Variants in PACS1 observed in about 807,000 individuals in gnomAD.
PACS1 encodes the protein PACS-1.
Under a neutral mutation model 115.0 loss-of-function variants are expected in PACS1, and 24 were observed. The observed-to-expected ratio is 0.21, with a 90% confidence interval of 0.15 to 0.29. The LOEUF (loss-of-function observed/expected upper bound fraction) is 0.29. Ranked by LOEUF, PACS1 falls within the 10% of genes least tolerant of loss-of-function variation. The pLI, the probability that PACS1 is intolerant of heterozygous loss-of-function variation, is 1.00. For missense variants in PACS1, 838 were observed against 1,251.2 expected, an observed-to-expected ratio of 0.67 and a Z score of 4.98; for synonymous variants, 453 against 504.5, an observed-to-expected ratio of 0.90 and a Z score of 1.37.
At chr11:66,096,247 T>G (rs1333405351) in intron 1 of PACS1, among the ~76,000 whole-genome samples, 1 of 146,810 alleles carries the variant, frequency 6.8e-6, no homozygotes. Flanking sequence ...GTAGGGTGTT[T>G]CGCTGTGTCA....
In PACS1 at chr11:66,243,162, T is replaced by C. The variant is rs524268; in HGVS notation, c.2777-3T>C. 1,609,041 of 1,613,510 alleles carry C rather than the reference T, an allele frequency of 1. 802,384 individuals are homozygous for C. The highest frequency in any genetic ancestry group is 1 in the East Asian group (44,828 of 44,828). On this transcript the variant is annotated splice_region_variant and splice_polypyrimidine_tract_variant and intron_variant, in intron 23 of 23. Transcript: ENST00000320580. ...GTCACCCCTCCTCTCCTGTCACCCC[T>C]AGTGTCCATCGATGGGGTCGAGTGG...
chr11:66,099,817 A>AAT (rs1857872563), intron 1 of PACS1, among the ~76,000 whole-genome samples: 1 of 152,046 alleles, frequency 6.6e-6, no homozygotes, highest in Non-Finnish European at 1.5e-5. Context: ...AAATGCTGGG[A>AAT]TTATAGGCAT....
chr11:66,237,976 T>C (rs958132325), intron 19 of PACS1: 96 of 824,090 alleles, frequency 1.2e-4, no homozygotes, highest in Non-Finnish European at 1.4e-4. Flanking sequence ...TCCAGCCCTC[T>C]GGACTCCCAG....
chr11:66,219,506 G>A, intron 7 of PACS1: 2 of 653,014 alleles, frequency 3.1e-6, no homozygotes, highest in African/African-American at 1.8e-5. Context: ...GGCACAGGGG[G>A]GTGGAGGACC....
chr11:66,076,144 C>T (rs1056247153), intron 1 of PACS1, among the ~76,000 whole-genome samples: 1 of 152,158 alleles, frequency 6.6e-6, no homozygotes, highest in South Asian at 2.1e-4. Flanking sequence ...TCCATCGTCC[C>T]TGTGGAAGCT....
Position 66,211,153 on chromosome 11 carries a change from G to A in PACS1, c.554G>A (p.Arg185Gln). 1.2e-6 allele frequency: 2 copies of A among 1,613,750 alleles called. No homozygotes were observed. Among genetic ancestry groups the A allele is most frequent in the Non-Finnish European group, 1.7e-6 (2 of 1,179,748 alleles). ...FSLQYPHFLK[R>Q]DANKLQIMLQ... ...TCGTAGTACCCTCATTTCCTTAAGCGAGATGCCAACAAGCTGCAGATCATG... is the reference window on the plus strand; with the variant it reads ...TCGTAGTACCCTCATTTCCTTAAGCAAGATGCCAACAAGCTGCAGATCATG... The change falls in exon 4 of 24, where the codon CGA becomes CAA. Residue 185 changes from arginine to glutamine, a missense_variant. Arg to Gln is a conservative substitution (Grantham distance 43). Around this residue, in one of 6 missense-constraint regions of PACS1, gnomAD observed 223 missense variants for 354.0 expected, o/e 0.63. Coordinates refer to ENST00000320580, the MANE Select transcript of PACS1 (RefSeq NM_018026.4).
chr11:66,196,092 A>G (rs1164120738), intron 2 of PACS1, among the ~76,000 whole-genome samples: 1 of 152,188 alleles, frequency 6.6e-6, no homozygotes, highest in Admixed American at 6.5e-5. Context: ...GGCTGGGCAC[A>G]GTGGCACACC....
chr11:66,159,334 A>G (rs1859436515), intron 1 of PACS1, among the ~76,000 whole-genome samples: 1 of 152,096 alleles, frequency 6.6e-6, no homozygotes, highest in African/African-American at 2.4e-5. Flanking sequence ...ATACTCAGGA[A>G]GCTGAGGCAG....
At chr11:66,232,434 C>T (rs1390389377) in intron 14 of PACS1, among the ~76,000 whole-genome samples, 158 bp downstream of exon 14, 1 of 152,256 alleles carries the variant, frequency 6.6e-6, no homozygotes, top group Non-Finnish European at 1.5e-5. Flanking sequence ...ACTCTGAGTT[C>T]TAGTCCAACT....
chr11:66,164,628 T>TATATAATACATA (rs1859562923), intron 1 of PACS1, among the ~76,000 whole-genome samples: 1 of 100,718 alleles, frequency 9.9e-6, no homozygotes, highest in African/African-American at 3.6e-5. Context: ...TATTTTTTTT[T>TATATAATACATA]TGTAAAGACG....
At position 66,235,697 on chromosome 11, in the gene PACS1, A is replaced by G. The variant is rs1348096032; in HGVS notation, c.2208-201A>G. Among the ~76,000 whole-genome samples, 1 of 152,114 alleles carries G rather than the reference A, an allele frequency of 6.6e-6. No individual in the cohort carries two copies. The highest frequency in any genetic ancestry group is 2.4e-5 in the African/African-American group (1 of 41,412). ...AGCAGGGAGCGTAGCTTGCATGATC[A>G]GGTCATTTGCCCTCATTTTGTGAGC... On this transcript the variant is annotated intron_variant, in intron 18 of 23. Transcript: ENST00000320580. This position sits in a 1 kb window ranked among gnomAD's most constrained non-coding sequence, Gnocchi z 5.6.
chr11:66,167,931 C>G (rs1859644616), intron 1 of PACS1, among the ~76,000 whole-genome samples: 1 of 150,218 alleles, frequency 6.7e-6, no homozygotes, highest in African/African-American at 2.5e-5. Flanking sequence ...GCCTAATTTC[C>G]CCACCTTGTT....
chr11:66,203,479 C>A (rs1396920298), intron 2 of PACS1, among the ~76,000 whole-genome samples: 1 of 93,328 alleles, frequency 1.1e-5, no homozygotes, highest in African/African-American at 3.8e-5. Context: ...CAATGACATT[C>A]TTCACAGAAA....
At chr11:66,122,389 A>G (rs561209998) in intron 1 of PACS1, among the ~76,000 whole-genome samples, 15 of 152,348 alleles carry the variant, frequency 9.8e-5, no homozygotes, top group African/African-American at 3.6e-4. Context: ...CCTGTTAACC[A>G]CAACATCCAT....
At chr11:66,183,345 T>C (rs1166484244) in intron 1 of PACS1, among the ~76,000 whole-genome samples, 1 of 152,198 alleles carries the variant, frequency 6.6e-6, no homozygotes, top group Non-Finnish European at 1.5e-5. Context: ...ATTTTAGAAA[T>C]GTTTTTACTC....
At chr11:66,138,595 G>C (rs1341774739) in intron 1 of PACS1, among the ~76,000 whole-genome samples, 1 of 151,922 alleles carries the variant, frequency 6.6e-6, no homozygotes, top group Non-Finnish European at 1.5e-5. Context: ...CCTAATCCCA[G>C]CCCTGATATT....
intron 10 of PACS1, among the ~76,000 whole-genome samples, chr11:66,225,831 GTCTC>G (rs1682443000): frequency 6.6e-6 from 1 of 152,128 alleles, no homozygotes; most frequent in Non-Finnish European, 1.5e-5. Flanking sequence ...ATTATCTCTA[GTCTC>G]AGGTCTAACC....
intron 1 of PACS1, among the ~76,000 whole-genome samples, chr11:66,176,001 A>G (rs1695619038): frequency 6.6e-6 from 1 of 152,070 alleles, no homozygotes; most frequent in Non-Finnish European, 1.5e-5. Flanking sequence ...TTGTCTTTAT[A>G]CTCACCAGTT....
Position 66,243,041 on chromosome 11 carries a change from C to T in PACS1, c.2776+10C>T, listed in dbSNP as rs2134755591. The T allele has an allele frequency of 6.2e-7, 1 of 1,613,820 alleles. No individual in the cohort carries two copies. The highest frequency in any genetic ancestry group is 2.2e-5 in the East Asian group (1 of 44,846). On this transcript the variant is annotated intron_variant, in intron 23 of 23. Transcript: ENST00000320580. ...CAGACTATGCTGAGAGGTGCGAGGG[C>T]AGGCAGGGCCGGGAGGAGGGCAAGA...
Sources: gnomAD v4.1 joint callset for allele counts (sites outside exome capture counted in the v4.1 genomes callset) on GRCh38, gnomAD v4.1.1 for gene constraint, gnomAD v4.1.1 regional missense constraint, Gnocchi (gnomAD v3.1) non-coding constraint, MANE v1.5 for transcripts, NCBI Gene and HGNC (gene_info 2026-07-23, HGNC 2026-07-21) for gene names.